DNAH3: variants seen among roughly 807,000 people sequenced by gnomAD.
The protein encoded by DNAH3 is dynein axonemal heavy chain 3, also known as axonemal beta dynein heavy chain 3.
In DNAH3, 332 loss-of-function variants were observed where a neutral mutation model predicts 432.5. That is an observed-to-expected ratio of 0.77 (90% CI 0.70 to 0.84). The LOEUF (loss-of-function observed/expected upper bound fraction) is 0.84. Ranked by LOEUF, DNAH3 falls within the 40% of genes least tolerant of loss-of-function variation. DNAH3 has a pLI of 0.00. For missense variants in DNAH3, 4,861 were observed against 5,114.0 expected, an observed-to-expected ratio of 0.95 and a Z score of 1.51; for synonymous variants, 1,956 against 1,900.2, an observed-to-expected ratio of 1.03 and a Z score of -0.76.
At chr16:20,957,252 C>G (rs1451017194) in intron 54 of DNAH3, among the ~76,000 whole-genome samples, 2 of 152,134 alleles carry the variant, frequency 1.3e-5, no homozygotes, top group Non-Finnish European at 2.9e-5. Flanking sequence ...ATATTTTAGA[C>G]TTTGTGAGCC....
At chr16:21,068,480 A>AT (rs1179371058) in intron 23 of DNAH3, among the ~76,000 whole-genome samples, 1 of 151,982 alleles carries the variant, frequency 6.6e-6, no homozygotes, top group African/African-American at 2.4e-5. Flanking sequence ...TACCCAGTTA[A>AT]TTTTTTATAT....
chr16:20,949,351 A>G (rs1294959642), intron 56 of DNAH3, among the ~76,000 whole-genome samples: 1 of 150,770 alleles, frequency 6.6e-6, no homozygotes, highest in East Asian at 2.0e-4. Context: ...ATAAATAAAT[A>G]TAAATAAAAA....
chr16:21,073,122 C>T (rs2090853314), intron 21 of DNAH3, among the ~76,000 whole-genome samples: 1 of 152,108 alleles, frequency 6.6e-6, no homozygotes, highest in South Asian at 2.1e-4. Flanking sequence ...TGGTCTTTCT[C>T]GCTCTGTTCT....
At chr16:20,979,289 C>T (rs2152655822) in intron 50 of DNAH3, 41 bp downstream of exon 50, 2 of 1,597,498 alleles carry the variant, frequency 1.3e-6, no homozygotes, top group South Asian at 2.2e-5. Flanking sequence ...TCCACCTCGT[C>T]CCGGGCCTCT....
chr16:21,005,752 C>T (rs113702468), intron 41 of DNAH3, among the ~76,000 whole-genome samples: 2,336 of 151,766 alleles, frequency 0.015, 68 homozygotes, highest in African/African-American at 0.054. Context: ...TGAGAATGAC[C>T]GCCTGCTGCT....
intron 18 of DNAH3, among the ~76,000 whole-genome samples, chr16:21,087,653 A>AGAGGGAGGCT (rs2091421124): frequency 6.6e-6 from 1 of 152,184 alleles, no homozygotes; most frequent in African/African-American, 2.4e-5. Context: ...TGGAGATATG[A>AGAGGGAGGCT]GAGGGAGGCT....
At chr16:21,147,517 A>G (rs2092800989) in intron 1 of DNAH3, among the ~76,000 whole-genome samples, 1 of 152,122 alleles carries the variant, frequency 6.6e-6, no homozygotes, top group Non-Finnish European at 1.5e-5. Context: ...CACCAGGTGG[A>G]CTCTTGCATT....
chr16:21,088,440 G>A (rs2091444103), intron 18 of DNAH3, among the ~76,000 whole-genome samples: 1 of 152,158 alleles, frequency 6.6e-6, no homozygotes, highest in South Asian at 2.1e-4. Context: ...AATCACTCAG[G>A]CAAAGAGGAG....
exon 15 of DNAH3, chr16:21,106,553 T>C: frequency 1.9e-6 from 3 of 1,612,142 alleles, no homozygotes; most frequent in South Asian, 1.1e-5. Flanking sequence ...AGTTGCCTCC[T>C]GAGTTTGAAC....
At chr16:21,149,630 G>A (rs922387551) in intron 1 of DNAH3, among the ~76,000 whole-genome samples, 4 of 152,284 alleles carry the variant, frequency 2.6e-5, no homozygotes, top group Non-Finnish European at 5.9e-5. Flanking sequence ...CGGAATCTAG[G>A]AGTGGGGGAC....
At chr16:21,118,246 G>T (rs971585033) in intron 11 of DNAH3, among the ~76,000 whole-genome samples, 1 of 152,080 alleles carries the variant, frequency 6.6e-6, no homozygotes, top group Non-Finnish European at 1.5e-5. Context: ...CTCACAAAGT[G>T]CTGGGATTAC....
At chr16:21,092,857 G>A (rs1005122034) in intron 18 of DNAH3, among the ~76,000 whole-genome samples, 4 of 152,084 alleles carry the variant, frequency 2.6e-5, no homozygotes, top group African/African-American at 9.7e-5. Flanking sequence ...TATACAAGAG[G>A]TGAATAAGCA....
intron 27 of DNAH3, among the ~76,000 whole-genome samples, chr16:21,057,713 T>G (rs912279540): frequency 2.0e-5 from 3 of 151,522 alleles, no homozygotes; most frequent in African/African-American, 7.3e-5. Flanking sequence ...GGAGTAGGGG[T>G]GATGAGAAGG....
At chr16:21,081,711 C>A (rs1471682109) in exon 20 of DNAH3, 2 of 1,613,402 alleles carry the variant, frequency 1.2e-6, no homozygotes, top group African/African-American at 1.3e-5. Context: ...TATCTCATAG[C>A]CAACAATCTC....
Position 21,036,710 on chromosome 16 carries a change from C to A in DNAH3, c.5085+4G>T, listed in dbSNP as rs2089188956. ...GGCACATTTATATGGGCTAAGGAAC[C>A]AACCTGGATAATTTTCCCTATAAAC... is the stretch of plus-strand genomic sequence containing the variant. On this transcript the variant is annotated splice_donor_region_variant and intron_variant, in intron 35 of 61. Coordinates refer to ENST00000261383, the Ensembl canonical transcript of DNAH3. The A allele has an allele frequency of 6.2e-7, 1 of 1,613,658 alleles. No individual in the cohort carries two copies. Among genetic ancestry groups the A allele is most frequent in the South Asian group, 1.1e-5 (1 of 90,930 alleles).
At chr16:21,127,396 CAA>C (rs11342012) in intron 8 of DNAH3, among the ~76,000 whole-genome samples, 3,093 of 136,484 alleles carry the variant, frequency 0.023, 95 homozygotes, top group African/African-American at 0.069. Context: ...ACTAATAATA[CAA>C]AAAAAAAAAA....
rs370775955 is a variant in DNAH3 at position 21,057,327 on chromosome 16, T to C, written c.3924+759A>G. On this transcript the variant is annotated intron_variant, in intron 27 of 61. Coordinates refer to ENST00000261383, the Ensembl canonical transcript of DNAH3. Reference sequence around the variant, plus strand: ...ATCATCTACTCTGTGCTGGGCACTGTATTAACCCCTGGAAATATAATAGTG... The same window carrying C: ...ATCATCTACTCTGTGCTGGGCACTGCATTAACCCCTGGAAATATAATAGTG... Among the ~76,000 whole-genome samples, 14 of 152,346 alleles carry C rather than the reference T, an allele frequency of 9.2e-5. No homozygotes were observed. In the South Asian group the frequency reaches 2.9e-3, roughly 32 times the overall value.
At chr16:21,065,127 G>A (rs781214346) in intron 24 of DNAH3, among the ~76,000 whole-genome samples, 39 of 152,004 alleles carry the variant, frequency 2.6e-4, no homozygotes, top group Admixed American at 1.0e-3. Context: ...CTTAGAGCAG[G>A]GTCCTGGTGT....
chr16:20,981,650 G>A (rs531944175), intron 49 of DNAH3, among the ~76,000 whole-genome samples: 3 of 152,138 alleles, frequency 2.0e-5, no homozygotes, highest in South Asian at 2.1e-4. Context: ...GCATTAACCC[G>A]GGAGGCGGAG....
Sources: gnomAD v4.1 joint callset for allele counts (sites outside exome capture counted in the v4.1 genomes callset) on GRCh38, gnomAD v4.1.1 for gene constraint, MANE v1.5 for transcripts, NCBI Gene and HGNC (gene_info 2026-07-23, HGNC 2026-07-21) for gene names.